LHX9: variants seen among roughly 807,000 people sequenced by gnomAD.
LHX9 encodes the protein LIM homeobox 9.
LHX9 carries 9 observed loss-of-function variants against 36.5 expected under a neutral mutation model. The ratio of observed to expected loss-of-function variants is 0.25; its 90% confidence interval spans 0.15 to 0.43. The LOEUF (loss-of-function observed/expected upper bound fraction) is 0.43. LHX9 is among the 20% of genes least tolerant of loss of function. The pLI is 1.00. For synonymous variants in LHX9, 211 were observed against 212.1 expected (o/e 0.99, Z 0.04); for missense variants, 464 against 526.4 (o/e 0.88, Z 1.16).
chr1:197,918,143 C>G, intron 1 of LHX9, 146 bp downstream of exon 1: 1 of 847,008 alleles, frequency 1.2e-6, no homozygotes, highest in East Asian at 2.7e-5. Context: ...TCCCGTCCAC[C>G]TATGCCTACA....
At position 197,931,216 on chromosome 1, in the gene LHX9, T is replaced by C. The variant is rs533873173; in HGVS notation, c.*1957T>C. ...TACCTCTTATTTCTGAAACTCTTTT[T>C]ATGGTGTATCCTGTTAGAGGGGACA... is the stretch of plus-strand genomic sequence containing the variant. On this transcript the variant is annotated 3_prime_UTR_variant, in exon 5 of 5. Coordinates refer to ENST00000367387, the MANE Select transcript of LHX9 (RefSeq NM_020204.3). 1 of 152,128 alleles carries C rather than the reference T, an allele frequency of 6.6e-6. No homozygotes were observed. Among genetic ancestry groups the C allele is most frequent in the East Asian group, 1.9e-4 (1 of 5,186 alleles). The allele number at this position is 152,128 out of a possible 1,614,324, so 9.4% of individuals were successfully genotyped here.
upstream of LHX9, among the ~76,000 whole-genome samples, chr1:197,915,248 A>G (rs566921801): frequency 6.6e-6 from 1 of 152,258 alleles, no homozygotes; most frequent in East Asian, 1.9e-4. Context: ...TTTTGCTTGG[A>G]GCTTCCTTGG....
At chr1:197,920,793 C>T (rs1035197217) in intron 2 of LHX9, among the ~76,000 whole-genome samples, 1 of 152,230 alleles carries the variant, frequency 6.6e-6, no homozygotes, top group East Asian at 1.9e-4. Flanking sequence ...GTGCAGGTGA[C>T]CTAGTTCCGC....
chr1:197,921,779 A>C lies in LHX9; in HGVS notation c.733+120A>C. On this transcript the variant is annotated intron_variant, in intron 3 of 4. Coordinates refer to ENST00000367387, the MANE Select transcript of LHX9 (RefSeq NM_020204.3). This position sits in a 1 kb window ranked among gnomAD's most constrained non-coding sequence, Gnocchi z 4.6. ...TGTTTTGCCCAATGCCTCTGTTCTC[A>C]CTGCAACTCCCTCTCACTCTGAAGG... 11 of 781,070 alleles carry C rather than the reference A, an allele frequency of 1.4e-5. No homozygotes were observed. The highest frequency in any genetic ancestry group is 1.9e-5 in the South Asian group (1 of 52,228). 48.4% of individuals were successfully genotyped at this position (781,070 alleles called of 1,614,324 possible).
Position 197,931,971 on chromosome 1 carries a change from C to G in LHX9, c.*2712C>G. The G allele has an allele frequency of 6.5e-7, 1 of 1,544,352 alleles. No homozygotes were observed. The highest frequency in any genetic ancestry group is 8.8e-7 in the Non-Finnish European group (1 of 1,142,660). ...CAAACATCCCGACGTTTGAAAATTC[C>G]CTAAAGTATTAAAAGAAGGGGAAAA... is the stretch of plus-strand genomic sequence containing the variant. On this transcript the variant is annotated 3_prime_UTR_variant, in exon 5 of 5. Transcript: ENST00000367387.
chr1:197,929,141 C>G lies in LHX9; in HGVS notation c.1076C>G (p.Ala359Gly), dbSNP rs778333620. 2.5e-6 allele frequency: 4 copies of G among 1,613,562 alleles called. No homozygotes were observed. In the Admixed American group the frequency reaches 6.7e-5, roughly 27 times the overall value. The change falls in exon 5 of 5, where the codon GCG becomes GGG. Residue 359 changes from alanine to glycine, a missense_variant. By Grantham distance (60) the Ala-to-Gly change is moderately conservative. This residue lies in a region of LHX9 where 102 missense variants were observed against 97.0 expected (regional missense o/e 1.05). Transcript: ENST00000367387. ...DSGALTPPGT[A>G]TTLTDLTNPT... Reference sequence around the variant, plus strand: ...GGAGCTCTCACTCCACCCGGCACTGCGACCACTTTAACAGACCTGACCAAT... The same window carrying G: ...GGAGCTCTCACTCCACCCGGCACTGGGACCACTTTAACAGACCTGACCAAT...
chr1:197,914,994 T>A (rs1659707680), upstream of LHX9, among the ~76,000 whole-genome samples: 1 of 152,200 alleles, frequency 6.6e-6, no homozygotes, highest in African/African-American at 2.4e-5. Context: ...GTGTTTGGCT[T>A]CCCTGGAGAC....
upstream of LHX9, among the ~76,000 whole-genome samples, chr1:197,914,147 C>A (rs543683008): frequency 1.3e-5 from 2 of 152,312 alleles, no homozygotes; most frequent in African/African-American, 2.4e-5. Context: ...TGGGTGCTGT[C>A]AGAATAGAAA....
Position 197,929,173 on chromosome 1 carries a change from A to C in LHX9, c.1108A>C (p.Ile370Leu), listed in dbSNP as rs1394991360. The change falls in exon 5 of 5, where the codon ATC (isoleucine) becomes CTC (leucine). Residue 370 changes from isoleucine (I) to leucine (L), a missense_variant. Ile to Leu is a conservative substitution (Grantham distance 5). Transcript: ENST00000367387. Reference protein sequence around the residue: ...TTLTDLTNPTITVVTSVTSNM... With the variant: ...TTLTDLTNPTLTVVTSVTSNM... ...TTTAACAGACCTGACCAATCCCACT[A>C]TCACTGTAGTGACATCCGTGACCTC... 3.1e-6 allele frequency: 5 copies of C among 1,611,692 alleles called. No individual in the cohort carries two copies. Among genetic ancestry groups the C allele is most frequent in the Non-Finnish European group, 4.2e-6 (5 of 1,179,374 alleles).
At chr1:197,927,481 C>T (rs976721391) in intron 3 of LHX9, 110 bp from the exon 4 acceptor site, 6 of 915,822 alleles carry the variant, frequency 6.6e-6, no homozygotes, top group Non-Finnish European at 1.1e-5. Context: ...GGGTTGACAA[C>T]CTTTTTCACT....
chr1:197,929,972 G>T lies in LHX9; in HGVS notation c.*713G>T. On this transcript the variant is annotated 3_prime_UTR_variant, in exon 5 of 5. Coordinates refer to ENST00000367387, the MANE Select transcript of LHX9 (RefSeq NM_020204.3). ...TTTTCAACATTTGAAAAATACTTAAGCTCCCTATGTATCCATGAAAATTCC... is the reference window on the plus strand; with the variant it reads ...TTTTCAACATTTGAAAAATACTTAATCTCCCTATGTATCCATGAAAATTCC... 1 of 984,642 alleles carries T rather than the reference G, an allele frequency of 1.0e-6. No homozygotes were observed. The allele number at this position is 984,642 out of a possible 1,614,324, so 61.0% of individuals were successfully genotyped here.
rs2102604924 is a variant in LHX9, at chr1:197,931,065, C to G, written c.*1806C>G. 6.6e-6 allele frequency: 1 copy of G among 152,092 alleles called. No homozygotes were observed. The highest frequency in any genetic ancestry group is 1.5e-5 in the Non-Finnish European group (1 of 67,848). 9.4% of individuals were successfully genotyped at this position (152,092 alleles called of 1,614,324 possible). On this transcript the variant is annotated 3_prime_UTR_variant, in exon 5 of 5. Transcript: ENST00000367387. ...ACTTTATTAAGTAGACTAATTATAA[C>G]TCAGTTCTCCTATGTGCCTTATGAT...
intron 1 of LHX9, among the ~76,000 whole-genome samples, chr1:197,919,137 A>C (rs1185627694): frequency 6.6e-6 from 1 of 152,204 alleles, no homozygotes; most frequent in Non-Finnish European, 1.5e-5. Flanking sequence ...CATCACTTTT[A>C]AAAACAAATA....
chr1:197,920,047 C>T lies in LHX9; in HGVS notation c.250C>T (p.Leu84=), dbSNP rs756069580. ...CGGKISDRYY[L]LAVDKQWHLR... The stretch of plus-strand genomic sequence containing the variant: ...GGGCAAGATCTCGGACAGGTACTAT[C>T]TGCTGGCTGTGGACAAACAGTGGCA... The change falls in exon 2 of 5, where the codon CTG becomes TTG. Residue 84 remains leucine (L), a synonymous_variant. Coordinates refer to ENST00000367387, the MANE Select transcript of LHX9 (RefSeq NM_020204.3). 1.1e-5 allele frequency: 17 copies of T among 1,614,154 alleles called. No individual in the cohort carries two copies. Among genetic ancestry groups the T allele is most frequent in the Middle Eastern group, 1.6e-4 (1 of 6,084 alleles).
chr1:197,917,842 C>G lies in LHX9; in HGVS notation c.19C>G (p.Arg7Gly), dbSNP rs1392089109. Residue 7 changes from arginine to glycine, a missense_variant, in exon 1 of 5, where the codon CGA (arginine) becomes GGA (glycine). Physicochemically the swap from Arg to Gly is moderately radical, Grantham distance 125. This residue lies in a region of LHX9 where 119 missense variants were observed against 102.4 expected (regional missense o/e 1.16). Coordinates refer to ENST00000367387, the MANE Select transcript of LHX9 (RefSeq NM_020204.3). ...TGTGTATATGGAAATAGTGGGGTGC[C>G]GAGCAGAAGACAACTCGTGTCCTTT... MEIVGC[R>G]AEDNSCPFRP... is the part of the protein sequence containing the mutation. 2 of 1,614,202 alleles carry G rather than the reference C, an allele frequency of 1.2e-6. No homozygotes were observed. The highest frequency in any genetic ancestry group is 1.7e-6 in the Non-Finnish European group (2 of 1,180,036).
In LHX9 at chr1:197,925,013, A is replaced by G. The variant is rs1660102286; in HGVS notation, c.734-2578A>G. The stretch of plus-strand genomic sequence containing the variant: ...AGTTAAACATAAATAATATCAGATA[A>G]TGCACTGTTACTCTGTAGAAGAAAT... On this transcript the variant is annotated intron_variant, in intron 3 of 4. Coordinates refer to ENST00000367387, the MANE Select transcript of LHX9 (RefSeq NM_020204.3). Among the ~76,000 whole-genome samples the G allele has an allele frequency of 1.8e-5, 2 of 111,942 alleles. 1 individual carries two copies. Among genetic ancestry groups the G allele is most frequent in the African/African-American group, 6.9e-5 (2 of 28,810 alleles). The allele number at this position is 111,942 out of a possible 152,430, so 73.4% of individuals were successfully genotyped here. A position where few individuals can be genotyped will look rare whatever the true frequency, so the allele number is the denominator to read the frequency against.
intron 3 of LHX9, among the ~76,000 whole-genome samples, chr1:197,926,853 G>A (rs911053218): frequency 2.0e-5 from 3 of 152,070 alleles, no homozygotes; most frequent in Non-Finnish European, 2.9e-5. Context: ...TCACTCCAGG[G>A]GAAAAATATT....
chr1:197,932,235 T>C lies in LHX9; in HGVS notation c.*2976T>C. On this transcript the variant is annotated 3_prime_UTR_variant, in exon 5 of 5. Transcript: ENST00000367387. The stretch of plus-strand genomic sequence containing the variant: ...AAACCAGAGCAACCTGGCAGTAATA[T>C]GCCCACCCCATATTTGAAAAAAATT... 1 of 356,708 alleles carries C rather than the reference T, an allele frequency of 2.8e-6. No individual in the cohort carries two copies. The highest frequency in any genetic ancestry group is 5.0e-6 in the Non-Finnish European group (1 of 198,122). 22.1% of individuals were successfully genotyped at this position (356,708 alleles called of 1,614,324 possible).
intron 2 of LHX9, among the ~76,000 whole-genome samples, chr1:197,920,683 G>C (rs1306114107): frequency 6.6e-6 from 1 of 152,058 alleles, no homozygotes; most frequent in Non-Finnish European, 1.5e-5. Flanking sequence ...TCCTTTTATC[G>C]CTAGTTACAA....
Sources: allele counts gnomAD v4.1 joint callset (sites outside exome capture counted in the v4.1 genomes callset), GRCh38; gene constraint gnomAD v4.1.1; regional missense constraint gnomAD v4.1.1; non-coding constraint Gnocchi (gnomAD v3.1); transcripts MANE v1.5; gene names NCBI Gene and HGNC (gene_info 2026-07-23, HGNC 2026-07-21).